ANKS1B: variants seen among roughly 807,000 people sequenced by gnomAD.
ANKS1B encodes ankyrin repeat and sterile alpha motif domain-containing protein 1B.
ANKS1B carries 36 observed loss-of-function variants against 148.3 expected under a neutral mutation model. That is an observed-to-expected ratio of 0.24 (90% confidence interval 0.19 to 0.32). The LOEUF is 0.32. ANKS1B is among the 10% of genes least tolerant of loss of function. ANKS1B has a pLI of 1.00. For missense variants in ANKS1B, 1,157 were observed against 1,542.6 expected, an observed-to-expected ratio of 0.75 and a Z score of 4.19; for synonymous variants, 542 against 560.8, an observed-to-expected ratio of 0.97 and a Z score of 0.47.
At chr12:98,942,952 A>C (rs1054017039) in intron 17 of ANKS1B, among the ~76,000 whole-genome samples, 3 of 152,238 alleles carry the variant, frequency 2.0e-5, no homozygotes, top group African/African-American at 7.2e-5. Context: ...AAATACAAGA[A>C]TAGTGAGGAG....
intron 8 of ANKS1B, among the ~76,000 whole-genome samples, chr12:99,710,813 C>G (rs1500664): frequency 0.66 from 100,753 of 151,974 alleles, 33,499 homozygotes; most frequent in Non-Finnish European, 0.69. Context: ...GAGATAAATG[C>G]CACTCATAAC....
chr12:99,332,920 A>G (rs914484337), intron 12 of ANKS1B, among the ~76,000 whole-genome samples: 8 of 151,864 alleles, frequency 5.3e-5, no homozygotes, highest in African/African-American at 1.9e-4. Context: ...ATAAGGCTGG[A>G]GAGCTTGACA....
intron 9 of ANKS1B, among the ~76,000 whole-genome samples, chr12:99,575,529 C>A (rs953352979): frequency 3.3e-5 from 5 of 151,948 alleles, no homozygotes; most frequent in Admixed American, 6.6e-5. Context: ...GGAGGCCTCA[C>A]AATTATGGTG....
chr12:99,566,800 A>G (rs2097399437), intron 9 of ANKS1B, among the ~76,000 whole-genome samples: 1 of 152,124 alleles, frequency 6.6e-6, no homozygotes. Context: ...ATAAACATCT[A>G]TTGCTTATAA....
chr12:99,100,258 T>C (rs1316061869), intron 15 of ANKS1B, among the ~76,000 whole-genome samples: 1 of 152,052 alleles, frequency 6.6e-6, no homozygotes, highest in Non-Finnish European at 1.5e-5. Context: ...GTTCTAGAGG[T>C]TGCCTTAAAA....
intron 10 of ANKS1B, among the ~76,000 whole-genome samples, chr12:99,493,612 C>T (rs1457993803): frequency 1.3e-5 from 2 of 152,008 alleles, no homozygotes; most frequent in Admixed American, 6.6e-5. Flanking sequence ...CAAGACCTGG[C>T]GCTTATTTGA....
chr12:99,358,454 T>C (rs1280233349), intron 12 of ANKS1B, among the ~76,000 whole-genome samples: 2 of 152,138 alleles, frequency 1.3e-5, no homozygotes, highest in South Asian at 2.1e-4. Context: ...AGGGTTTTTA[T>C]ATTCTATTAA....
intron 15 of ANKS1B, among the ~76,000 whole-genome samples, chr12:99,098,005 T>C (rs553902547): frequency 1.3e-5 from 2 of 152,318 alleles, no homozygotes; most frequent in East Asian, 3.9e-4. Flanking sequence ...CTGGGCTTAG[T>C]CATCTAATTT....
intron 8 of ANKS1B, among the ~76,000 whole-genome samples, chr12:99,674,423 A>C (rs2098552531): frequency 6.6e-6 from 1 of 151,832 alleles, no homozygotes; most frequent in Admixed American, 6.6e-5. Context: ...ATGAATTTAA[A>C]AACCGCTATA....
chr12:98,791,151 C>T (rs187734670), intron 22 of ANKS1B, among the ~76,000 whole-genome samples: 29 of 152,168 alleles, frequency 1.9e-4, no homozygotes, highest in African/African-American at 6.0e-4. Context: ...TCGAGACCAG[C>T]CTGGTCAATA....
chr12:99,391,142 C>T (rs1436077678), intron 12 of ANKS1B, among the ~76,000 whole-genome samples: 3 of 152,220 alleles, frequency 2.0e-5, no homozygotes, highest in Non-Finnish European at 2.9e-5. Flanking sequence ...TCTCCATCCT[C>T]CTCAAATATC....
intron 20 of ANKS1B, among the ~76,000 whole-genome samples, chr12:98,806,480 A>G (rs1242201339): frequency 6.6e-6 from 1 of 152,196 alleles, no homozygotes; most frequent in Non-Finnish European, 1.5e-5. Flanking sequence ...AAGGACAATT[A>G]TTGTTTTAAG....
At chr12:98,877,869 A>G (rs1277297887) in intron 17 of ANKS1B, among the ~76,000 whole-genome samples, 3 of 152,270 alleles carry the variant, frequency 2.0e-5, no homozygotes, top group South Asian at 2.1e-4. Flanking sequence ...CTATTTCCCA[A>G]CACCACTTAT....
intron 11 of ANKS1B, among the ~76,000 whole-genome samples, chr12:99,410,868 T>G (rs1440054420): frequency 6.6e-6 from 1 of 152,224 alleles, no homozygotes; most frequent in Non-Finnish European, 1.5e-5. Context: ...TGGTGTTCTT[T>G]TATTTGCTAC....
intron 24 of ANKS1B, among the ~76,000 whole-genome samples, chr12:98,780,684 A>C (rs1488754133): frequency 4.6e-5 from 7 of 152,220 alleles, no homozygotes; most frequent in Non-Finnish European, 1.5e-5. Context: ...TCTCTAGATA[A>C]ACAGAAAGAC....
At chr12:98,813,922 C>A (rs2099118053) in intron 19 of ANKS1B, among the ~76,000 whole-genome samples, 1 of 151,310 alleles carries the variant, frequency 6.6e-6, no homozygotes. Context: ...GCTCTGTCAC[C>A]CAGGCTGGAG....
At position 99,812,246 on chromosome 12, in the gene ANKS1B, A is replaced by G; in HGVS notation, c.281T>C (p.Phe94Ser). 6.2e-7 allele frequency: 1 copy of G among 1,612,104 alleles called. No individual in the cohort carries two copies. Among genetic ancestry groups the G allele is most frequent in the Non-Finnish European group, 8.5e-7 (1 of 1,178,664 alleles). The change falls in exon 3 of 27, where the codon TTT (phenylalanine) becomes TCT (serine). Residue 94 changes from phenylalanine to serine, a missense_variant. Physicochemically the swap from Phe to Ser is radical, Grantham distance 155. This residue lies in a region of ANKS1B where 164 missense variants were observed against 232.6 expected (regional missense o/e 0.71). Transcript: ENST00000683438. ...STNVADNKGY[F>S]PIHLAAWKGD... ...TTTCCAGGCAGCCAGGTGAATAGGA[A>G]AATACCCTTTGTTGTCTGCTACATT... is the stretch of plus-strand genomic sequence containing the variant.
intron 17 of ANKS1B, among the ~76,000 whole-genome samples, chr12:98,965,439 G>A (rs2099877011): frequency 6.6e-6 from 1 of 152,132 alleles, no homozygotes; most frequent in Non-Finnish European, 1.5e-5. Flanking sequence ...TCTGATGCAA[G>A]CCATATTTAT....
At chr12:99,046,101 G>A (rs1224516984) in intron 17 of ANKS1B, among the ~76,000 whole-genome samples, 1 of 152,222 alleles carries the variant, frequency 6.6e-6, no homozygotes, top group African/African-American at 2.4e-5. Context: ...GAAATTCAAA[G>A]AGCATTGGTC....
Sources: gnomAD v4.1 joint callset for allele counts (sites outside exome capture counted in the v4.1 genomes callset) on GRCh38, gnomAD v4.1.1 for gene constraint, gnomAD v4.1.1 regional missense constraint, MANE v1.5 for transcripts, NCBI Gene and HGNC (gene_info 2026-07-23, HGNC 2026-07-21) for gene names.